GNA12: variants seen among roughly 807,000 people sequenced by gnomAD.
The protein encoded by GNA12 is G protein subunit alpha 12, also known as guanine nucleotide-binding protein subunit alpha-12.
GNA12 carries 9 observed loss-of-function variants against 26.0 expected under a neutral mutation model. The ratio of observed to expected loss-of-function variants is 0.35; its 90% CI spans 0.21 to 0.60. GNA12 has a LOEUF of 0.60. Ranked by LOEUF, GNA12 falls within the 20% of genes least tolerant of loss-of-function variation. The probability of loss-of-function intolerance (pLI) is 0.78; values close to 1 mark genes in which losing one functional copy is unlikely to be tolerated. For missense variants in GNA12, 405 were observed against 525.8 expected (o/e 0.77, Z 2.25); for synonymous variants, 264 against 219.6 (o/e 1.20, Z -1.79).
intron 2 of GNA12, among the ~76,000 whole-genome samples, chr7:2,793,060 G>A (rs1792560077): frequency 6.6e-6 from 1 of 152,156 alleles, no homozygotes; most frequent in South Asian, 2.1e-4. Context: ...GCACGCCTGC[G>A]GTTTCTGTGC....
At chr7:2,843,812 GC>G in intron 1 of GNA12, 40 bp downstream of exon 1, 1 of 1,221,152 alleles carries the variant, frequency 8.2e-7, no homozygotes, top group Non-Finnish European at 1.1e-6. Context: ...TAGCGCCCCG[GC>G]CCACCTGGGT....
intron 2 of GNA12, among the ~76,000 whole-genome samples, chr7:2,737,274 G>GTTTTT (rs1041056812): frequency 0.023 from 818 of 34,952 alleles, 67 homozygotes; most frequent in East Asian, 0.096. Flanking sequence ...GTTTTGTTTT[G>GTTTTT]TTTTTTTTTT....
intron 2 of GNA12, among the ~76,000 whole-genome samples, chr7:2,754,921 C>A (rs1042731057): frequency 6.6e-6 from 1 of 152,202 alleles, no homozygotes; most frequent in Non-Finnish European, 1.5e-5. Flanking sequence ...TAGAGTTCTG[C>A]GCTTTACACT....
intron 1 of GNA12, among the ~76,000 whole-genome samples, chr7:2,818,330 G>T (rs966102271): frequency 2.0e-5 from 3 of 152,192 alleles, no homozygotes. Flanking sequence ...GATGCCGGCG[G>T]CACCCATCAG....
At chr7:2,739,893 G>C (rs191353452) in intron 2 of GNA12, among the ~76,000 whole-genome samples, 1 of 152,096 alleles carries the variant, frequency 6.6e-6, no homozygotes, top group African/African-American at 2.4e-5. Context: ...GGCTGGTCTC[G>C]AACTCCTGAC....
intron 1 of GNA12, among the ~76,000 whole-genome samples, chr7:2,811,015 G>C (rs1346806966): frequency 1.3e-5 from 2 of 152,246 alleles, no homozygotes; most frequent in Non-Finnish European, 1.5e-5. Flanking sequence ...TCAGCCTTTG[G>C]AGATGGCAAG....
At chr7:2,763,867 C>T (rs568184177) in intron 2 of GNA12, among the ~76,000 whole-genome samples, 2 of 152,242 alleles carry the variant, frequency 1.3e-5, no homozygotes, top group South Asian at 2.1e-4. Flanking sequence ...TGGCAGAGAG[C>T]GAGGGAGACG....
intron 1 of GNA12, among the ~76,000 whole-genome samples, chr7:2,839,738 G>C (rs796905442): frequency 1.3e-5 from 2 of 152,310 alleles, no homozygotes; most frequent in African/African-American, 4.8e-5. Context: ...GCGGGGCACG[G>C]CGTCTCACAT....
chr7:2,734,980 G>A (rs1790090166), intron 2 of GNA12, among the ~76,000 whole-genome samples: 1 of 152,232 alleles, frequency 6.6e-6, no homozygotes. Flanking sequence ...CCCCCGTGAT[G>A]TGGGAAGCCA....
At chr7:2,782,099 A>C (rs565686659) in intron 2 of GNA12, among the ~76,000 whole-genome samples, 1 of 152,348 alleles carries the variant, frequency 6.6e-6, no homozygotes, top group Admixed American at 6.5e-5. Flanking sequence ...CTGAGTGTCC[A>C]CATGTAGAAG....
chr7:2,797,836 T>C (rs1792714837), intron 1 of GNA12, among the ~76,000 whole-genome samples: 1 of 152,180 alleles, frequency 6.6e-6, no homozygotes, highest in South Asian at 2.1e-4. Context: ...ATTTGTTCAG[T>C]GTGTTTGTTT....
chr7:2,766,417 T>C (rs1026939166), intron 2 of GNA12, among the ~76,000 whole-genome samples: 6 of 149,630 alleles, frequency 4.0e-5, no homozygotes, highest in African/African-American at 1.2e-4. Flanking sequence ...GACGGAGTCT[T>C]GCTCTGTCGC....
chr7:2,762,750 G>A, intron 2 of GNA12: 8 of 1,552,692 alleles, frequency 5.2e-6, no homozygotes, highest in Middle Eastern at 3.3e-4. Context: ...CGCAGGAAGT[G>A]CACCAGGCCC....
intron 1 of GNA12, among the ~76,000 whole-genome samples, chr7:2,826,717 A>C (rs1793492893): frequency 6.6e-6 from 1 of 152,264 alleles, no homozygotes; most frequent in Non-Finnish European, 1.5e-5. Flanking sequence ...TTCCAACTAC[A>C]GGACATTCTG....
intron 1 of GNA12, among the ~76,000 whole-genome samples, chr7:2,834,829 C>T (rs1283867518): frequency 6.6e-6 from 1 of 152,136 alleles, no homozygotes; most frequent in East Asian, 1.9e-4. Context: ...GAGCAATAGG[C>T]CTAGGTATAC....
intron 2 of GNA12, chr7:2,762,982 C>A (rs950651231): frequency 4.0e-5 from 53 of 1,341,234 alleles, no homozygotes; most frequent in Non-Finnish European, 4.4e-5. Context: ...CAGAAAGAGC[C>A]CTTGTGTGCT....
intron 2 of GNA12, among the ~76,000 whole-genome samples, chr7:2,740,579 G>C (rs142391989): frequency 6.6e-6 from 1 of 152,148 alleles, no homozygotes; most frequent in African/African-American, 2.4e-5. Flanking sequence ...GGCAGCTTGA[G>C]CCGACAAATA....
Position 2,729,196 on chromosome 7 carries a change from G to A in GNA12, c.*1985C>T, listed in dbSNP as rs1789760073. Reference sequence around the variant, plus strand: ...CCCGCTTGCACTTCCTCTGGGCTCTGGATTCTAACACACACAGGAGACACA... The same window carrying A: ...CCCGCTTGCACTTCCTCTGGGCTCTAGATTCTAACACACACAGGAGACACA... On this transcript the variant is annotated 3_prime_UTR_variant, in exon 4 of 4. Transcript: ENST00000275364. 1 of 152,384 alleles carries A rather than the reference G, an allele frequency of 6.6e-6. No homozygotes were observed. The highest frequency in any genetic ancestry group is 1.9e-4 in the East Asian group (1 of 5,324). 9.4% of individuals were successfully genotyped at this position (152,384 alleles called of 1,614,324 possible).
intron 2 of GNA12, among the ~76,000 whole-genome samples, chr7:2,774,811 A>G (rs927126750): frequency 6.6e-6 from 1 of 152,136 alleles, no homozygotes; most frequent in African/African-American, 2.4e-5. Flanking sequence ...CCCCCCTTTT[A>G]AACACTGTCA....
Sources: gnomAD v4.1 joint callset for allele counts (sites outside exome capture counted in the v4.1 genomes callset) on GRCh38, gnomAD v4.1.1 for gene constraint, MANE v1.5 for transcripts, NCBI Gene and HGNC (gene_info 2026-07-23, HGNC 2026-07-21) for gene names.